The following RTP2 variants were observed in gnomAD, a reference collection of about 807,000 sequenced individuals.
RTP2 encodes the protein receptor transporter protein 2.
RTP2 carries 12 observed loss-of-function variants against 17.9 expected under a neutral mutation model. That is an observed-to-expected ratio of 0.67 (90% CI 0.43 to 1.09). The LOEUF is 1.09. RTP2 is among the 50% of genes least tolerant of loss of function. The pLI, the probability that RTP2 is intolerant of heterozygous loss-of-function variation, is 0.00. For missense variants in RTP2, 327 were observed against 295.7 expected (o/e 1.11, Z -0.78); for synonymous variants, 126 against 117.7 (o/e 1.07, Z -0.46).
chr3:187,712,630 T>G, the RTP2 span, among the ~76,000 whole-genome samples: 1 of 152,154 alleles, frequency 6.6e-6, no homozygotes, highest in Admixed American at 6.5e-5. Flanking sequence ...TCAGGAGGCA[T>G]GAATAAGAAA....
chr3:187,705,686 CTGATGGGGATTCCT>C (rs972056591), upstream of RTP2, among the ~76,000 whole-genome samples: 4 of 152,148 alleles, frequency 2.6e-5, no homozygotes, highest in African/African-American at 9.7e-5. Context: ...CTTCCAAAGA[CTGATGGGGATTCCT>C]TGATGAGCAG....
chr3:187,708,024 A>G, the RTP2 span, among the ~76,000 whole-genome samples: 6 of 152,238 alleles, frequency 3.9e-5, no homozygotes, highest in African/African-American at 7.2e-5. Context: ...ACAATGTTTT[A>G]TATTGAAAAG....
At chr3:187,705,829 A>G (rs1038803482), upstream of RTP2, among the ~76,000 whole-genome samples, 2 of 152,062 alleles carry the variant, frequency 1.3e-5, no homozygotes, top group Non-Finnish European at 1.5e-5. Flanking sequence ...GGACTAATAC[A>G]CTCATTAGTA....
At chr3:187,702,723 G>C (rs1717885616), upstream of RTP2, among the ~76,000 whole-genome samples, 1 of 152,172 alleles carries the variant, frequency 6.6e-6, no homozygotes, top group Non-Finnish European at 1.5e-5. Flanking sequence ...ACCCCTAAGT[G>C]GCTCATCCAA....
upstream of RTP2, among the ~76,000 whole-genome samples, chr3:187,706,796 T>C (rs982650964): frequency 6.6e-6 from 1 of 152,084 alleles, no homozygotes; most frequent in Admixed American, 6.6e-5. Context: ...AGAGATGGGG[T>C]TTCACCATGT....
At chr3:187,699,958 C>T (rs574197536) in intron 1 of RTP2, among the ~76,000 whole-genome samples, 1 of 152,262 alleles carries the variant, frequency 6.6e-6, no homozygotes, top group Admixed American at 6.5e-5. Context: ...CACTCCTGAC[C>T]TCCAGGGCAG....
chr3:187,705,477 G>T (rs1479493867), upstream of RTP2, among the ~76,000 whole-genome samples: 2 of 152,168 alleles, frequency 1.3e-5, no homozygotes, highest in East Asian at 3.9e-4. Context: ...AATATCCTGG[G>T]CAGACTTTTA....
chr3:187,701,585 C>A (rs1227940755), intron 1 of RTP2, among the ~76,000 whole-genome samples: 1 of 152,152 alleles, frequency 6.6e-6, no homozygotes, highest in Admixed American at 6.5e-5. Context: ...AGGAACAGAG[C>A]ATAGCTGTAC....
exon 2 of RTP2, chr3:187,698,586 A>G: frequency 6.2e-7 from 1 of 1,614,240 alleles, no homozygotes; most frequent in Non-Finnish European, 8.5e-7. Flanking sequence ...GCGAAGAGAC[A>G]AGAAGTTGTA....
chr3:187,711,298 C>A, the RTP2 span, among the ~76,000 whole-genome samples: 1 of 152,178 alleles, frequency 6.6e-6, no homozygotes, highest in Non-Finnish European at 1.5e-5. Context: ...TGGATTCAGT[C>A]TGGGGCAGAG....
At chr3:187,710,485 G>T in the RTP2 span, among the ~76,000 whole-genome samples, 2 of 148,374 alleles carry the variant, frequency 1.3e-5, no homozygotes, top group African/African-American at 5.1e-5. Context: ...TGAAGAACCT[G>T]GGAACCATAT....
chr3:187,700,574 G>A (rs1277090431), intron 1 of RTP2, among the ~76,000 whole-genome samples: 2 of 152,238 alleles, frequency 1.3e-5, no homozygotes, highest in African/African-American at 4.8e-5. Context: ...CCACCAGGCA[G>A]TTCAAATGCT....
At chr3:187,707,200 A>C (rs1718014669), upstream of RTP2, among the ~76,000 whole-genome samples, 1 of 152,216 alleles carries the variant, frequency 6.6e-6, no homozygotes, top group South Asian at 2.1e-4. Context: ...AATCAGGCAG[A>C]AGCTGTGCTT....
At chr3:187,701,592 G>A (rs1717848565) in intron 1 of RTP2, among the ~76,000 whole-genome samples, 1 of 152,142 alleles carries the variant, frequency 6.6e-6, no homozygotes, top group African/African-American at 2.4e-5. Context: ...GAGCATAGCT[G>A]TACCCCCTGC....
chr3:187,699,150 G>A (rs1294413157), intron 1 of RTP2, 139 bp from the exon 2 acceptor site: 13 of 1,058,404 alleles, frequency 1.2e-5, no homozygotes, highest in Admixed American at 2.9e-5. Flanking sequence ...GGATTCATTA[G>A]CACTCCAAGG....
the RTP2 span, among the ~76,000 whole-genome samples, chr3:187,709,451 C>T: frequency 2.6e-5 from 4 of 152,066 alleles, no homozygotes; most frequent in East Asian, 5.8e-4. Context: ...TTTTGGAGGC[C>T]GAGGTGGGCA....
chr3:187,702,077 T>A, exon 1 of RTP2: 5 of 1,613,710 alleles, frequency 3.1e-6, no homozygotes, highest in Non-Finnish European at 3.4e-6. Context: ...GCCACCTCCA[T>A]CTTCTCATAG....
the RTP2 span, among the ~76,000 whole-genome samples, chr3:187,714,004 G>A: frequency 2.9e-4 from 44 of 152,290 alleles, no homozygotes; most frequent in Middle Eastern, 3.4e-3. Flanking sequence ...CTGAGTGTCT[G>A]ACAGCAAGTC....
chr3:187,707,031 A>C (rs1718009461), upstream of RTP2, among the ~76,000 whole-genome samples: 1 of 152,228 alleles, frequency 6.6e-6, no homozygotes, highest in South Asian at 2.1e-4. Flanking sequence ...GAAAAATTAT[A>C]TGAAGGCTCA....
Sources: allele counts gnomAD v4.1 joint callset (sites outside exome capture counted in the v4.1 genomes callset), GRCh38; gene constraint gnomAD v4.1.1; transcripts MANE v1.5; gene names NCBI Gene and HGNC (gene_info 2026-07-23, HGNC 2026-07-21).